EXTL3: variants seen among roughly 807,000 people sequenced by gnomAD.
EXTL3 encodes the protein exostosin like glycosyltransferase 3.
EXTL3 carries 27 observed loss-of-function variants against 69.3 expected under a neutral mutation model. The observed-to-expected ratio is 0.39, with a 90% CI of 0.29 to 0.54. The LOEUF (loss-of-function observed/expected upper bound fraction) is 0.54, where lower values mean the gene tolerates loss of function less well. Ranked by LOEUF, EXTL3 falls within the 20% of genes least tolerant of loss-of-function variation. EXTL3 has a pLI of 0.69. For missense variants in EXTL3, 1,003 were observed against 1,231.8 expected, an observed-to-expected ratio of 0.81 and a Z score of 2.78; for synonymous variants, 511 against 499.4, an observed-to-expected ratio of 1.02 and a Z score of -0.31.
intron 4 of EXTL3, among the ~76,000 whole-genome samples, chr8:28,733,730 A>C (rs1003648426): frequency 6.6e-6 from 1 of 150,858 alleles, no homozygotes; most frequent in East Asian, 1.9e-4. Flanking sequence ...GCTTCTTTTC[A>C]TGCGCTTATT....
chr8:28,609,126 C>T (rs1347954567), intron 2 of EXTL3, among the ~76,000 whole-genome samples: 1 of 139,402 alleles, frequency 7.2e-6, no homozygotes, highest in Non-Finnish European at 1.6e-5. Flanking sequence ...GAGCTTGACA[C>T]ATTTGAGGCA....
In EXTL3 at chr8:28,753,789, T is replaced by C. The variant is rs914167828; in HGVS notation, c.*2923T>C. On this transcript the variant is annotated 3_prime_UTR_variant, in exon 7 of 7. Coordinates refer to ENST00000220562, the MANE Select transcript of EXTL3 (RefSeq NM_001440.4). ...TTGATTCCAGGTCGCCACCTGTGTATGCCAGCTGGGCCTGCTCGCAGAAGA... is the reference window on the plus strand; with the variant it reads ...TTGATTCCAGGTCGCCACCTGTGTACGCCAGCTGGGCCTGCTCGCAGAAGA... 2.0e-5 allele frequency: 3 copies of C among 152,550 alleles called. No individual in the cohort carries two copies. Among genetic ancestry groups the C allele is most frequent in the African/African-American group, 7.2e-5 (3 of 41,458 alleles). 9.4% of individuals were successfully genotyped at this position (152,550 alleles called of 1,614,324 possible). A position where few individuals can be genotyped will look rare whatever the true frequency, so the allele number is the denominator to read the frequency against.
At position 28,717,160 on chromosome 8, in the gene EXTL3, G is replaced by A. The variant is rs757634700; in HGVS notation, c.1101G>A (p.Met367Ile). ...AGGCCCGCTCCTTCGAAGAGGAAAT[G>A]GAGGGCGACCCTCCCGCCGACTACG... Reference protein sequence around the residue: ...LQEARSFEEEMEGDPPADYDD... With the variant: ...LQEARSFEEEIEGDPPADYDD... The change falls in exon 3 of 7, where the codon ATG becomes ATA. Residue 367 changes from methionine to isoleucine, a missense_variant. By Grantham distance (10) the Met-to-Ile change is conservative. Coordinates refer to ENST00000220562, the MANE Select transcript of EXTL3 (RefSeq NM_001440.4). The surrounding 1 kb of genome is among the most constrained non-coding windows in gnomAD (Gnocchi z 8.3). 6.2e-7 allele frequency: 1 copy of A among 1,614,246 alleles called. No homozygotes were observed. The highest frequency in any genetic ancestry group is 1.3e-5 in the African/African-American group (1 of 75,058).
chr8:28,732,806 C>T (rs1263994334), intron 4 of EXTL3, among the ~76,000 whole-genome samples: 1 of 152,188 alleles, frequency 6.6e-6, no homozygotes, highest in Non-Finnish European at 1.5e-5. Context: ...TCATTGCAAC[C>T]TCTGCCTCCC....
At chr8:28,641,992 C>T (rs191756508) in intron 1 of EXTL3, among the ~76,000 whole-genome samples, 50 of 152,066 alleles carry the variant, frequency 3.3e-4, no homozygotes, top group African/African-American at 7.9e-4. Context: ...CCCAACACCA[C>T]GCCCAGCTAA....
intron 1 of EXTL3, among the ~76,000 whole-genome samples, chr8:28,668,857 T>C (rs1192934501): frequency 2.1e-4 from 26 of 122,798 alleles, no homozygotes; most frequent in Non-Finnish European, 3.3e-5. Context: ...CCTCCTTTGA[T>C]AGAATCTCTT....
At chr8:28,608,014 G>A (rs1057091959) in intron 2 of EXTL3, among the ~76,000 whole-genome samples, 5 of 151,872 alleles carry the variant, frequency 3.3e-5, no homozygotes, top group Non-Finnish European at 5.9e-5. Context: ...GGAGGCTGAG[G>A]CAGGAGAATG....
At chr8:28,710,048 A>G (rs924362559) in intron 1 of EXTL3, among the ~76,000 whole-genome samples, 1 of 152,222 alleles carries the variant, frequency 6.6e-6, no homozygotes, top group Non-Finnish European at 1.5e-5. Context: ...ATTAGGGAAA[A>G]GAGTAAAAGG....
chr8:28,614,209 G>A (rs983701206), intron 2 of EXTL3, among the ~76,000 whole-genome samples: 1 of 143,248 alleles, frequency 7.0e-6, no homozygotes, highest in Non-Finnish European at 1.5e-5. Flanking sequence ...TCTGTTTTCA[G>A]TTTCTTTGAT....
intron 1 of EXTL3, among the ~76,000 whole-genome samples, chr8:28,707,248 A>G (rs2130715055): frequency 6.6e-6 from 1 of 152,370 alleles, no homozygotes; most frequent in African/African-American, 2.4e-5. Flanking sequence ...AAGAAGCAGT[A>G]TACAGGGCTG....
chr8:28,617,920 T>C (rs1275623572), upstream of EXTL3, among the ~76,000 whole-genome samples: 1 of 152,198 alleles, frequency 6.6e-6, no homozygotes, highest in Non-Finnish European at 1.5e-5. Context: ...ATTCCATTTA[T>C]ATGAAATATC....
At chr8:28,734,755 T>G (rs1396471778) in intron 4 of EXTL3, among the ~76,000 whole-genome samples, 1 of 152,176 alleles carries the variant, frequency 6.6e-6, no homozygotes, top group Non-Finnish European at 1.5e-5. Context: ...TTTGGCGATC[T>G]TTTTCAAATT....
chr8:28,686,324 T>A (rs1042639951), intron 1 of EXTL3, among the ~76,000 whole-genome samples: 6 of 149,026 alleles, frequency 4.0e-5, no homozygotes, highest in Non-Finnish European at 7.4e-5. Context: ...CAGTATCCTC[T>A]CTCTCTCTCA....
At chr8:28,642,228 G>A (rs1388132352) in intron 1 of EXTL3, among the ~76,000 whole-genome samples, 1 of 152,030 alleles carries the variant, frequency 6.6e-6, no homozygotes, top group African/African-American at 2.4e-5. Flanking sequence ...CAGATTGCTT[G>A]AGTCCAGGAG....
At position 28,677,284 on chromosome 8, in the gene EXTL3, C is replaced by T. The variant is rs184412484; in HGVS notation, c.-52-36173C>T. 1.4e-4 allele frequency among the ~76,000 whole-genome samples: 21 copies of T among 152,074 alleles called. No homozygotes were observed. The East Asian group carries it at 2.1e-3, about 15-fold the overall frequency. On this transcript the variant is annotated intron_variant, in intron 1 of 6. Transcript: ENST00000523149. ...AGGAAGATGATTTCTTGTCACTTCC[C>T]GTCCTTTTATTATTTTTTTAAAAAT...
chr8:28,640,985 G>A (rs897464869), intron 1 of EXTL3, among the ~76,000 whole-genome samples: 1 of 151,932 alleles, frequency 6.6e-6, no homozygotes, highest in East Asian at 1.9e-4. Flanking sequence ...ATAGCCTCAC[G>A]TTTTACTTTT....
At chr8:28,682,265 G>A (rs1807502261) in intron 1 of EXTL3, among the ~76,000 whole-genome samples, 2 of 152,170 alleles carry the variant, frequency 1.3e-5, no homozygotes, top group East Asian at 3.9e-4. Flanking sequence ...AGAAATATCT[G>A]TTCAGGTCCT....
intron 1 of EXTL3, among the ~76,000 whole-genome samples, chr8:28,689,238 T>A (rs879651585): frequency 6.6e-6 from 1 of 152,222 alleles, no homozygotes; most frequent in Non-Finnish European, 1.5e-5. Flanking sequence ...TACTGAAGGC[T>A]TAGGGGATTT....
downstream of EXTL3, among the ~76,000 whole-genome samples, chr8:28,756,361 CTT>C (rs1432506347): frequency 1.3e-5 from 2 of 152,190 alleles, no homozygotes; most frequent in East Asian, 3.8e-4. Flanking sequence ...AATTTCTACT[CTT>C]GTGTGTGTCC....
Sources: allele counts gnomAD v4.1 joint callset (sites outside exome capture counted in the v4.1 genomes callset), GRCh38; gene constraint gnomAD v4.1.1; non-coding constraint Gnocchi (gnomAD v3.1); transcripts MANE v1.5; gene names NCBI Gene and HGNC (gene_info 2026-07-23, HGNC 2026-07-21).